Variants in TTC29 observed in about 807,000 individuals in gnomAD.
TTC29 encodes the protein tetratricopeptide repeat protein 29.
TTC29 carries 49 observed loss-of-function variants against 58.1 expected under a neutral mutation model. The observed-to-expected ratio is 0.84, with a 90% CI of 0.67 to 1.07. The LOEUF (loss-of-function observed/expected upper bound fraction) is 1.07. TTC29 is among the 50% of genes least tolerant of loss of function. The pLI is 0.00. For synonymous variants in TTC29, 209 were observed against 196.8 expected, an observed-to-expected ratio of 1.06 and a Z score of -0.52; for missense variants, 582 against 555.6, an observed-to-expected ratio of 1.05 and a Z score of -0.48.
At chr4:146,754,277 G>C (rs993084465) in intron 11 of TTC29, among the ~76,000 whole-genome samples, 2 of 151,880 alleles carry the variant, frequency 1.3e-5, no homozygotes, top group Non-Finnish European at 2.9e-5. Flanking sequence ...TACCAAGATT[G>C]AGTCAGGAAG....
At chr4:146,764,132 T>A (rs1747117100) in intron 11 of TTC29, 1 of 152,148 alleles carries the variant, frequency 6.6e-6, no homozygotes, top group Non-Finnish European at 1.5e-5. Context: ...TTTGAAATTC[T>A]TGGTGATTTC....
chr4:146,902,742 C>T (rs939530122), intron 6 of TTC29, among the ~76,000 whole-genome samples: 1 of 152,140 alleles, frequency 6.6e-6, no homozygotes, highest in Non-Finnish European at 1.5e-5. Flanking sequence ...AATGTTCAGG[C>T]GCCTTGCGAG....
chr4:146,862,661 A>G (rs1267326397), intron 8 of TTC29, among the ~76,000 whole-genome samples: 2 of 152,212 alleles, frequency 1.3e-5, no homozygotes, highest in African/African-American at 4.8e-5. Flanking sequence ...AGAAGCCAAC[A>G]ATATTCTTCC....
chr4:146,896,568 A>C (rs573463405), intron 6 of TTC29, among the ~76,000 whole-genome samples: 1 of 152,326 alleles, frequency 6.6e-6, no homozygotes, highest in Non-Finnish European at 1.5e-5. Flanking sequence ...TTTAATGTGC[A>C]TATTCAGAAT....
chr4:146,945,422 C>T (rs1375720079), intron 1 of TTC29: 1 of 152,184 alleles, frequency 6.6e-6, no homozygotes, highest in Non-Finnish European at 1.5e-5. Context: ...CCTTTCTGTT[C>T]CCACCTAGTT....
At chr4:146,771,999 A>T (rs1489062527) in intron 11 of TTC29, among the ~76,000 whole-genome samples, 1 of 152,114 alleles carries the variant, frequency 6.6e-6, no homozygotes, top group Non-Finnish European at 1.5e-5. Flanking sequence ...TTCTCTAATG[A>T]TTAGTGATGG....
chr4:146,896,504 T>G (rs190394891), intron 6 of TTC29, among the ~76,000 whole-genome samples: 1 of 152,314 alleles, frequency 6.6e-6, no homozygotes, highest in Non-Finnish European at 1.5e-5. Flanking sequence ...TCCCAATGAT[T>G]TTTCTAGCTA....
At chr4:146,847,769 C>T (rs895566272) in intron 8 of TTC29, among the ~76,000 whole-genome samples, 6 of 152,176 alleles carry the variant, frequency 3.9e-5, no homozygotes, top group East Asian at 1.9e-4. Context: ...ACAAATGCAT[C>T]GAAAGTTCAG....
chr4:146,752,103 A>G (rs997681302), intron 11 of TTC29, among the ~76,000 whole-genome samples: 2 of 151,950 alleles, frequency 1.3e-5, no homozygotes, highest in Non-Finnish European at 2.9e-5. Context: ...CGGGCATTCA[A>G]TTAGGAAAAG....
At chr4:146,707,963 A>ATATGGTG (rs1742103649) in intron 11 of TTC29, among the ~76,000 whole-genome samples, 1 of 152,012 alleles carries the variant, frequency 6.6e-6, no homozygotes, top group African/African-American at 2.4e-5. Flanking sequence ...TCATACCCTG[A>ATATGGTG]GACTGCCATG....
At chr4:146,727,914 C>A (rs951235802) in intron 11 of TTC29, among the ~76,000 whole-genome samples, 1 of 152,090 alleles carries the variant, frequency 6.6e-6, no homozygotes, top group Admixed American at 6.6e-5. Context: ...TAAGAAACTG[C>A]CAAGCTTGTC....
intron 8 of TTC29, among the ~76,000 whole-genome samples, chr4:146,855,220 G>A (rs550369313): frequency 6.6e-6 from 1 of 152,168 alleles, no homozygotes; most frequent in Non-Finnish European, 1.5e-5. Flanking sequence ...ATCACTTGAG[G>A]TCAGGAGTTC....
chr4:146,882,745 T>C (rs1242802648), intron 6 of TTC29, among the ~76,000 whole-genome samples: 1 of 152,212 alleles, frequency 6.6e-6, no homozygotes, highest in Non-Finnish European at 1.5e-5. Flanking sequence ...TTATTGAAGA[T>C]GGTGACGAGG....
chr4:146,822,814 G>A (rs2150143728), intron 9 of TTC29, among the ~76,000 whole-genome samples: 1 of 152,278 alleles, frequency 6.6e-6, no homozygotes, highest in South Asian at 2.1e-4. Context: ...GCGTGAGATG[G>A]TATCTCATTG....
chr4:146,712,805 C>A (rs1045755344), intron 11 of TTC29, among the ~76,000 whole-genome samples: 4 of 151,920 alleles, frequency 2.6e-5, no homozygotes, highest in African/African-American at 9.7e-5. Flanking sequence ...ATCTCTGGGT[C>A]TAAATTCAGG....
intron 11 of TTC29, among the ~76,000 whole-genome samples, chr4:146,711,305 G>A (rs901957538): frequency 3.9e-5 from 6 of 152,148 alleles, no homozygotes; most frequent in African/African-American, 7.2e-5. Flanking sequence ...TATTGTATCA[G>A]TGTGGTCTGC....
chr4:146,786,940 C>T (rs1004126846), intron 11 of TTC29, among the ~76,000 whole-genome samples: 1 of 151,626 alleles, frequency 6.6e-6, no homozygotes, highest in African/African-American at 2.4e-5. Flanking sequence ...TAGTAAAAAC[C>T]CCACCTCTAC....
At chr4:146,727,351 C>T (rs1341173378) in intron 11 of TTC29, among the ~76,000 whole-genome samples, 3 of 152,126 alleles carry the variant, frequency 2.0e-5, no homozygotes, top group African/African-American at 7.2e-5. Context: ...CTTGACAAAT[C>T]GTTATCACCC....
Position 146,937,643 on chromosome 4 carries a change from G to C in TTC29, c.127C>G (p.His43Asp). ...QLIKEKDDID[H>D]YLEVNFKGLS... ...CCTTTGAAATTTACCTCTAGATAAT[G>C]ATCTATGTCATCTTTTTCTTTGATC... The change falls in exon 4 of 13, where the codon CAT becomes GAT. Residue 43 changes from histidine (H) to aspartate (D), a missense_variant. Coordinates refer to ENST00000325106, the MANE Select transcript of TTC29 (RefSeq NM_031956.4). 2 of 1,540,136 alleles carry C rather than the reference G, an allele frequency of 1.3e-6. No homozygotes were observed. Among genetic ancestry groups the C allele is most frequent in the Non-Finnish European group, 1.8e-6 (2 of 1,138,632 alleles).
Sources: allele counts gnomAD v4.1 joint callset (sites outside exome capture counted in the v4.1 genomes callset), GRCh38; gene constraint gnomAD v4.1.1; transcripts MANE v1.5; gene names NCBI Gene and HGNC (gene_info 2026-07-23, HGNC 2026-07-21).